The following HMGN5 variants were observed in gnomAD, a reference collection of about 807,000 sequenced individuals.
HMGN5 encodes high mobility group nucleosome binding domain 5.
In HMGN5, 4 loss-of-function variants were observed where a neutral mutation model predicts 9.5. The observed-to-expected ratio is 0.42, with a 90% CI of 0.21 to 0.96. The LOEUF (loss-of-function observed/expected upper bound fraction) is 0.96. Ranked by LOEUF, HMGN5 falls within the 40% of genes least tolerant of loss-of-function variation. The probability of loss-of-function intolerance (pLI) is 0.30; values close to 1 mark genes in which losing one functional copy is unlikely to be tolerated. For synonymous variants in HMGN5, 55 were observed against 57.1 expected, an observed-to-expected ratio of 0.96 and a Z score of 0.16; for missense variants, 192 against 187.5, an observed-to-expected ratio of 1.02 and a Z score of -0.14.
intron 1 of HMGN5, among the ~76,000 whole-genome samples, chrX:81,199,822 A>G (rs1409930239): frequency 1.8e-5 from 2 of 112,197 alleles, no homozygotes; most frequent in Non-Finnish European, 3.8e-5. Context: ...GCATGGGCAA[A>G]GATTCATGAC....
chrX:81,134,329 T>C (rs1266300876), intron 1 of HMGN5, among the ~76,000 whole-genome samples: 2 of 111,622 alleles, frequency 1.8e-5, no homozygotes. Flanking sequence ...TTGGATATAA[T>C]ATTTGGCTTC....
intron 1 of HMGN5, among the ~76,000 whole-genome samples, chrX:81,188,532 T>A (rs2075484730): frequency 9.1e-6 from 1 of 109,746 alleles, no homozygotes; most frequent in Admixed American, 9.8e-5. Flanking sequence ...AACGTGCAGG[T>A]TTGTTACATA....
chrX:81,194,414 CA>C lies in HMGN5; in HGVS notation c.-124+7322del, dbSNP rs755380877. On this transcript the variant is annotated intron_variant, in intron 1 of 6. Transcript: ENST00000358130. ...AAAATGTTGCTATTAGGAATAGAGA[CA>C]AAAAAATATAGAAAAATAGAAAAAG... Among the ~76,000 whole-genome samples, 39 of 109,981 alleles carry C rather than the reference CA, an allele frequency of 3.5e-4. No homozygotes were observed. In the East Asian group the frequency reaches 6.3e-3, roughly 18 times the overall value.
intron 1 of HMGN5, among the ~76,000 whole-genome samples, chrX:81,163,316 G>A (rs2075402735): frequency 8.9e-6 from 1 of 112,218 alleles, no homozygotes; most frequent in Non-Finnish European, 1.9e-5. Flanking sequence ...TCCCTGCTGT[G>A]TCCTTTCCAA....
rs2075269722 is a variant in HMGN5, at chrX:81,121,825, C to T, written c.-123-153G>A. 4 of 284,397 alleles carry T rather than the reference C, an allele frequency of 1.4e-5. No individual in the cohort carries two copies. In the South Asian group the frequency reaches 5.4e-4, roughly 38 times the overall value. 23.4% of individuals were successfully genotyped at this position (284,397 alleles called of 1,213,427 possible). On this transcript the variant is annotated intron_variant, in intron 1 of 6. Transcript: ENST00000358130. ...GCAGCCGGCTTTGAGGGGCGTGGCCCGCGAACTTGCCCGAAGCCCTCGTTC... is the reference window on the plus strand; with the variant it reads ...GCAGCCGGCTTTGAGGGGCGTGGCCTGCGAACTTGCCCGAAGCCCTCGTTC...
intron 1 of HMGN5, among the ~76,000 whole-genome samples, chrX:81,135,021 T>C (rs772494919): frequency 1.8e-5 from 2 of 111,529 alleles, no homozygotes; most frequent in African/African-American, 3.3e-5. Flanking sequence ...AATAAAACTC[T>C]TATAATAAAA....
In HMGN5 at chrX:81,155,217, T is replaced by A. The variant is rs766915025; in HGVS notation, c.-123-33545A>T. ...TCAGAGAGTGGCTGATTATATAATA[T>A]GTAATTAGAGAGTGGCTGATTATAT... On this transcript the variant is annotated intron_variant, in intron 1 of 6. Coordinates refer to ENST00000358130, the MANE Select transcript of HMGN5 (RefSeq NM_030763.3). Among the ~76,000 whole-genome samples, 224 of 102,452 alleles carry A rather than the reference T, an allele frequency of 2.2e-3. 1 individual carries two copies. The highest frequency in any genetic ancestry group is 7.2e-3 in the African/African-American group (206 of 28,505). The allele number at this position is 102,452 out of a possible 115,157, so 89.0% of individuals were successfully genotyped here. A position where few individuals can be genotyped will look rare whatever the true frequency, so the allele number is the denominator to read the frequency against.
At position 81,114,506 on chromosome X, in the gene HMGN5, T is replaced by TA. The variant is rs2075246650; in HGVS notation, c.*142dup. On this transcript the variant is annotated 3_prime_UTR_variant, in exon 7 of 7. Transcript: ENST00000358130. ...TTCATGTTAGAAACTTTATGGCTAA[T>TA]AATCAATATGAAGATGTTCTGAAAT... The TA allele has an allele frequency of 7.6e-6, 4 of 528,874 alleles. No individual in the cohort carries two copies. The highest frequency in any genetic ancestry group is 1.1e-3 in the Middle Eastern group (2 of 1,831). 43.6% of individuals were successfully genotyped at this position (528,874 alleles called of 1,213,427 possible). A position where few individuals can be genotyped will look rare whatever the true frequency, so the allele number is the denominator to read the frequency against.
intron 1 of HMGN5, among the ~76,000 whole-genome samples, chrX:81,200,256 TTGG>T (rs1414056392): frequency 1.8e-5 from 2 of 111,849 alleles, no homozygotes; most frequent in Non-Finnish European, 3.8e-5. Context: ...TTTTATACTG[TTGG>T]TGGGAGTGTA....
chrX:81,168,042 T>C (rs779862400), intron 1 of HMGN5, among the ~76,000 whole-genome samples: 15 of 112,334 alleles, frequency 1.3e-4, no homozygotes, highest in Non-Finnish European at 2.1e-4. Context: ...TAAAACCAGA[T>C]AGCAGAACTT....
intron 1 of HMGN5, among the ~76,000 whole-genome samples, chrX:81,136,794 C>T (rs1353904302): frequency 9.0e-6 from 1 of 111,541 alleles, no homozygotes; most frequent in African/African-American, 3.3e-5. Flanking sequence ...CAATGATATA[C>T]TGTTTGCAAG....
chrX:81,181,507 T>C (rs1358468899), intron 1 of HMGN5, among the ~76,000 whole-genome samples: 1 of 111,696 alleles, frequency 9.0e-6, no homozygotes, highest in Non-Finnish European at 1.9e-5. Flanking sequence ...TTTTTTACCA[T>C]AGTCACACTG....
intron 1 of HMGN5, among the ~76,000 whole-genome samples, chrX:81,147,533 T>C (rs192199390): frequency 2.6e-3 from 294 of 111,816 alleles, no homozygotes; most frequent in Non-Finnish European, 4.5e-3. Flanking sequence ...TCATACTAAG[T>C]GGGCAAAAAC....
At chrX:81,138,424 A>C (rs2075317765) in intron 1 of HMGN5, among the ~76,000 whole-genome samples, 1 of 111,906 alleles carries the variant, frequency 8.9e-6, no homozygotes, top group Non-Finnish European at 1.9e-5. Flanking sequence ...TATGGAAGGC[A>C]CATTTGACAA....
At chrX:81,199,815 T>C (rs1351999141) in intron 1 of HMGN5, among the ~76,000 whole-genome samples, 2 of 111,923 alleles carry the variant, frequency 1.8e-5, no homozygotes, top group African/African-American at 6.5e-5. Context: ...GACATAGGCA[T>C]GGGCAAAGAT....
chrX:81,200,910 C>A (rs2075524869), intron 1 of HMGN5, among the ~76,000 whole-genome samples: 1 of 111,190 alleles, frequency 9.0e-6, no homozygotes, highest in Non-Finnish European at 1.9e-5. Flanking sequence ...AATGTACTAA[C>A]CATATGATTT....
Position 81,119,637 on chromosome X carries a change from G to A in HMGN5, c.45+151C>T, listed in dbSNP as rs1005920656. On this transcript the variant is annotated intron_variant, in intron 3 of 6. Coordinates refer to ENST00000358130, the MANE Select transcript of HMGN5 (RefSeq NM_030763.3). ...TAAAAAGTCCTCTCTTCTGAAATTC[G>A]GATATATATTTTTGAGAGATCCCAC... The A allele has an allele frequency of 7.6e-6, 3 of 393,382 alleles. No homozygotes were observed. The African/African-American group carries it at 7.8e-5, about 10-fold the overall frequency. The allele number at this position is 393,382 out of a possible 1,213,427, so 32.4% of individuals were successfully genotyped here.
chrX:81,176,104 G>C (rs968035643), intron 1 of HMGN5, among the ~76,000 whole-genome samples: 5 of 111,746 alleles, frequency 4.5e-5, no homozygotes, highest in African/African-American at 1.3e-4. Context: ...AATATTTGCT[G>C]TTCTGCAACC....
chrX:81,196,621 C>T (rs181552526), intron 1 of HMGN5, among the ~76,000 whole-genome samples: 79 of 109,635 alleles, frequency 7.2e-4, no homozygotes, highest in Non-Finnish European at 1.3e-3. Context: ...GGCGTGATCT[C>T]GGCTCACTGC....
Sources: gnomAD v4.1 joint callset for allele counts (sites outside exome capture counted in the v4.1 genomes callset) on GRCh38, gnomAD v4.1.1 for gene constraint, MANE v1.5 for transcripts, NCBI Gene and HGNC (gene_info 2026-07-23, HGNC 2026-07-21) for gene names.